Variants in SNTG2 observed in about 807,000 individuals in gnomAD.
SNTG2 encodes gamma-2-syntrophin.
In SNTG2, 74 loss-of-function variants were observed where a neutral mutation model predicts 70.9. That is an observed-to-expected ratio of 1.04 (90% CI 0.86 to 1.27). SNTG2 has a LOEUF of 1.27. Among genes scored for constraint, SNTG2 ranks in the 50% most tolerant of loss-of-function variants. The pLI is 0.00. For missense variants in SNTG2, 717 were observed against 690.7 expected, an observed-to-expected ratio of 1.04 and a Z score of -0.43; for synonymous variants, 278 against 273.8, an observed-to-expected ratio of 1.02 and a Z score of -0.15.
intron 7 of SNTG2, among the ~76,000 whole-genome samples, chr2:1,166,649 C>A (rs1047850834): frequency 2.0e-5 from 3 of 152,308 alleles, no homozygotes; most frequent in Middle Eastern, 6.8e-3. Flanking sequence ...CTGGCGAGGG[C>A]TGCACCCCCA....
intron 1 of SNTG2, among the ~76,000 whole-genome samples, chr2:1,062,172 G>T (rs906368248): frequency 4.6e-5 from 7 of 152,144 alleles, no homozygotes; most frequent in Non-Finnish European, 8.8e-5. Flanking sequence ...TATATAAGTT[G>T]CTGGTAGGAA....
Position 1,220,749 on chromosome 2 carries a change from G to T in SNTG2, c.719+11519G>T, listed in dbSNP as rs150572461. Among the ~76,000 whole-genome samples, 681 of 152,290 alleles carry T rather than the reference G, an allele frequency of 4.5e-3. 4 individuals are homozygous for T. The highest frequency in any genetic ancestry group is 0.016 in the African/African-American group (646 of 41,560). ...TGTGTCCTACTCTGATAAGGGCAGG[G>T]GCCACGTGTTTAAGATCTGGAGGTC... On this transcript the variant is annotated intron_variant, in intron 9 of 16. Transcript: ENST00000308624.
intron 8 of SNTG2, among the ~76,000 whole-genome samples, chr2:1,207,201 C>T (rs982886215): frequency 1.3e-5 from 2 of 152,186 alleles, no homozygotes; most frequent in Non-Finnish European, 2.9e-5. Context: ...GAAGGTATTT[C>T]AGTGTCATTC....
chr2:1,002,889 T>C (rs893135249), intron 1 of SNTG2, among the ~76,000 whole-genome samples: 2 of 151,348 alleles, frequency 1.3e-5, no homozygotes, highest in Non-Finnish European at 2.9e-5. Context: ...AAATGTTATA[T>C]ATATATATAT....
intron 1 of SNTG2, among the ~76,000 whole-genome samples, chr2:969,380 G>GTTT (rs35978804): frequency 7.8e-4 from 118 of 151,826 alleles, no homozygotes; most frequent in South Asian, 4.2e-3. Flanking sequence ...TTTTATAATA[G>GTTT]TTTTTTTTCT....
intron 1 of SNTG2, among the ~76,000 whole-genome samples, chr2:990,275 G>A (rs565402588): frequency 6.6e-6 from 1 of 152,332 alleles, no homozygotes; most frequent in South Asian, 2.1e-4. Flanking sequence ...GTACTTTGCA[G>A]GTGCTAATCA....
Position 1,056,875 on chromosome 2 carries a change from C to A in SNTG2, c.73-26643C>A, listed in dbSNP as rs1305115670. On this transcript the variant is annotated intron_variant, in intron 1 of 16. Transcript: ENST00000308624. Reference sequence around the variant, plus strand: ...AGGGAGAGAGGGAGAGCACGGCGCCCCGCTGTGCTGTGGGGAGGGAGGGAG... The same window carrying A: ...AGGGAGAGAGGGAGAGCACGGCGCCACGCTGTGCTGTGGGGAGGGAGGGAG... Among the ~76,000 whole-genome samples the A allele has an allele frequency of 1.1e-3, 87 of 76,492 alleles. 2 individuals carry two copies. The highest frequency in any genetic ancestry group is 3.5e-3 in the East Asian group (3 of 862). 50.2% of individuals were successfully genotyped at this position (76,492 alleles called of 152,430 possible).
intron 8 of SNTG2, among the ~76,000 whole-genome samples, chr2:1,200,296 G>A (rs1264556027): frequency 6.6e-6 from 1 of 151,930 alleles, no homozygotes; most frequent in South Asian, 2.1e-4. Context: ...ACATGGTTCT[G>A]GGAAAGCTGG....
intron 1 of SNTG2, among the ~76,000 whole-genome samples, chr2:952,302 A>G (rs967598834): frequency 6.6e-6 from 1 of 152,226 alleles, no homozygotes; most frequent in Non-Finnish European, 1.5e-5. Context: ...CACTGCCTTC[A>G]GCTTTATAAT....
chr2:1,353,193 C>T lies in SNTG2; in HGVS notation c.1489-14150C>T, dbSNP rs1573019021. ...AGTGAGCAAAGGCTGCACATCAGGC[C>T]CCCTCCATCCCCAGGACAGCCAGGT... On this transcript the variant is annotated intron_variant, in intron 16 of 16. Transcript: ENST00000308624. The surrounding 1 kb of genome is among the most constrained non-coding windows in gnomAD (Gnocchi z 4.2). Among the ~76,000 whole-genome samples, 1 of 152,242 alleles carries T rather than the reference C, an allele frequency of 6.6e-6. No individual in the cohort carries two copies. Among genetic ancestry groups the T allele is most frequent in the East Asian group, 1.9e-4 (1 of 5,150 alleles).
In SNTG2 at chr2:1,322,332, C is replaced by G. The variant is rs141041810; in HGVS notation, c.1488+5957C>G. ...CCTGGAGTGTCAGCAGCTAACTCCC[C>G]CAAAGCCAGAGACACGGGAATATTT... On this transcript the variant is annotated intron_variant, in intron 16 of 16. Coordinates refer to ENST00000308624, the MANE Select transcript of SNTG2 (RefSeq NM_018968.4). 6.3e-3 allele frequency among the ~76,000 whole-genome samples: 954 copies of G among 152,206 alleles called. 9 individuals carry two copies. The highest frequency in any genetic ancestry group is 0.022 in the African/African-American group (908 of 41,528).
At chr2:1,083,697 C>A (rs778217080) in intron 2 of SNTG2, 42 bp downstream of exon 2, 1 of 1,609,496 alleles carries the variant, frequency 6.2e-7, no homozygotes, top group Admixed American at 1.7e-5. Context: ...GTGTTTCGGA[C>A]GAGCCCCATG....
At chr2:971,714 C>CTT (rs60378106) in intron 1 of SNTG2, among the ~76,000 whole-genome samples, 34 of 145,006 alleles carry the variant, frequency 2.3e-4, no homozygotes, top group South Asian at 4.3e-4. Flanking sequence ...CAGTTTCCTC[C>CTT]TTTTTTTTTT....
chr2:1,181,545 G>C (rs1337260575), intron 8 of SNTG2, among the ~76,000 whole-genome samples: 1 of 152,206 alleles, frequency 6.6e-6, no homozygotes, highest in Non-Finnish European at 1.5e-5. Flanking sequence ...GTCTTTACAA[G>C]TGGATACCTC....
At chr2:1,225,823 G>C (rs1008226824) in intron 9 of SNTG2, among the ~76,000 whole-genome samples, 1 of 152,208 alleles carries the variant, frequency 6.6e-6, no homozygotes, top group African/African-American at 2.4e-5. Flanking sequence ...AGTGACACCA[G>C]GTCTTTCTCA....
intron 1 of SNTG2, among the ~76,000 whole-genome samples, chr2:985,467 C>A (rs940704801): frequency 6.6e-6 from 1 of 152,092 alleles, no homozygotes; most frequent in Admixed American, 6.5e-5. Context: ...CTGAGGGGCC[C>A]TGCTAGGAAT....
rs370848778 is a variant in SNTG2, at chr2:1,267,460, C to G, written c.1173C>G (p.Ile391Met). 2 of 1,613,654 alleles carry G rather than the reference C, an allele frequency of 1.2e-6. No homozygotes were observed. The highest frequency in any genetic ancestry group is 2.2e-5 in the South Asian group (2 of 90,962). The change falls in exon 14 of 17, where the codon ATC becomes ATG. Residue 391 changes from isoleucine (I) to methionine (M), a missense_variant. Coordinates refer to ENST00000308624, the MANE Select transcript of SNTG2 (RefSeq NM_018968.4). Reference sequence around the variant, plus strand: ...ACCAGAGGCCCTATTGCTTCAGCATCGTGGCCGGCCATGGGAAGAGCCATG... The same window carrying G: ...ACCAGAGGCCCTATTGCTTCAGCATGGTGGCCGGCCATGGGAAGAGCCATG... ...FEDQRPYCFS[I>M]VAGHGKSHVF...
rs557370856 is a variant in SNTG2, at chr2:1,004,856, A to T, written c.72+53788A>T. 3.4e-3 allele frequency among the ~76,000 whole-genome samples: 518 copies of T among 152,352 alleles called. 4 individuals are homozygous for T. The highest frequency in any genetic ancestry group is 0.011 in the African/African-American group (454 of 41,582). ...AAACTTATGTACCCACACAAAAAAC[A>T]TGCAGAGATGTTAACAAAAGCATTA... On this transcript the variant is annotated intron_variant, in intron 1 of 16. Transcript: ENST00000308624.
chr2:1,178,561 CAT>C (rs1318483190), intron 8 of SNTG2, among the ~76,000 whole-genome samples: 1 of 152,092 alleles, frequency 6.6e-6, no homozygotes. Flanking sequence ...TTGAGATAAT[CAT>C]GTGGTTTTTG....
Sources: allele counts gnomAD v4.1 joint callset (sites outside exome capture counted in the v4.1 genomes callset), GRCh38; gene constraint gnomAD v4.1.1; non-coding constraint Gnocchi (gnomAD v3.1); transcripts MANE v1.5; gene names NCBI Gene and HGNC (gene_info 2026-07-23, HGNC 2026-07-21).